Variants in TRIM31 observed in about 807,000 individuals in gnomAD.
The protein encoded by TRIM31 is E3 ubiquitin-protein ligase TRIM31.
In TRIM31, 31 loss-of-function variants were observed where a neutral mutation model predicts 40.6. The ratio of observed to expected loss-of-function variants is 0.76; its 90% CI spans 0.57 to 1.03. The LOEUF (loss-of-function observed/expected upper bound fraction) is 1.03. Ranked by LOEUF, TRIM31 falls within the 50% of genes least tolerant of loss-of-function variation. The probability of loss-of-function intolerance (pLI) is 0.00; values close to 1 mark genes in which losing one functional copy is unlikely to be tolerated. For missense variants in TRIM31, 455 were observed against 497.5 expected (o/e 0.91, Z 0.81); for synonymous variants, 164 against 193.9 (o/e 0.85, Z 1.28).
intron 8 of TRIM31, 75 bp from the exon 9 acceptor site, chr6:30,103,864 C>G (rs534577017): frequency 1.9e-6 from 3 of 1,595,076 alleles, no homozygotes; most frequent in African/African-American, 2.7e-5. Flanking sequence ...CCAGACAGCA[C>G]AGCTGAGCTC....
rs772919845 is a variant in TRIM31, at chr6:30,112,722, G to T, written c.84C>A (p.Thr28=). ...ICLDILQKPV[T]IDCGHNFCLK... is the part of the protein sequence containing the mutation. The stretch of plus-strand genomic sequence containing the variant: ...GGCAGAAATTGTGCCCACAGTCGAT[G>T]GTGACAGGTTTCTGCAGAATGTCCA... Residue 28 remains threonine, a synonymous_variant, in exon 2 of 9, where the codon ACC becomes ACA. Transcript: ENST00000376734. 1 of 1,613,100 alleles carries T rather than the reference G, an allele frequency of 6.2e-7. No individual in the cohort carries two copies. The highest frequency in any genetic ancestry group is 1.3e-5 in the African/African-American group (1 of 75,054).
chr6:30,111,618 C>T (rs1769328729), intron 3 of TRIM31, 30 bp downstream of exon 3: 1 of 1,605,694 alleles, frequency 6.2e-7, no homozygotes, highest in Non-Finnish European at 8.5e-7. Context: ...GTTTCTGCTT[C>T]CAGAGATCGT....
chr6:30,110,358 A>G, intron 4 of TRIM31, 90 bp downstream of exon 4: 2 of 1,271,938 alleles, frequency 1.6e-6, no homozygotes, highest in Admixed American at 1.8e-5. Context: ...GGTTGGGGCA[A>G]TCTCAGGTAT....
At position 30,110,379 on chromosome 6, in the gene TRIM31, G is replaced by A. The variant is rs549223875; in HGVS notation, c.744+69C>T. The A allele has an allele frequency of 1.2e-4, 176 of 1,478,826 alleles. 2 individuals are homozygous for A. The Middle Eastern group carries it at 1.6e-3, about 13-fold the overall frequency. The allele number at this position is 1,478,826 out of a possible 1,614,324, so 91.6% of individuals were successfully genotyped here. A position where few individuals can be genotyped will look rare whatever the true frequency, so the allele number is the denominator to read the frequency against. Reference sequence around the variant, plus strand: ...GGCAATCTCAGGTATTCTGCCAGTGGTCCATGCTCTGACCTGAGACTAGGG... The same window carrying A: ...GGCAATCTCAGGTATTCTGCCAGTGATCCATGCTCTGACCTGAGACTAGGG... On this transcript the variant is annotated intron_variant, in intron 4 of 8. Coordinates refer to ENST00000376734, the MANE Select transcript of TRIM31 (RefSeq NM_007028.5).
At chr6:30,111,841 T>G in intron 2 of TRIM31, 98 bp from the exon 3 acceptor site, 1 of 1,076,458 alleles carries the variant, frequency 9.3e-7, no homozygotes, top group Non-Finnish European at 1.4e-6. Flanking sequence ...ACTCTCCAGG[T>G]GAGTCCTTGT....
Position 30,103,427 on chromosome 6 carries a change from C to A in TRIM31, c.*109G>T. On this transcript the variant is annotated 3_prime_UTR_variant, in exon 9 of 9. Coordinates refer to ENST00000376734, the MANE Select transcript of TRIM31 (RefSeq NM_007028.5). The stretch of plus-strand genomic sequence containing the variant: ...CCCTCCCATTCTCCACTCCTTCGAC[C>A]CAATTCCACTAAGTCAAGAACCGTG... 1 of 1,518,942 alleles carries A rather than the reference C, an allele frequency of 6.6e-7. No individual in the cohort carries two copies. The highest frequency in any genetic ancestry group is 8.9e-7 in the Non-Finnish European group (1 of 1,127,316). The allele number at this position is 1,518,942 out of a possible 1,614,324, so 94.1% of individuals were successfully genotyped here.
chr6:30,112,393 T>A lies in TRIM31; in HGVS notation c.413A>T (p.Tyr138Phe), dbSNP rs769148827. Reference protein sequence around the residue: ...VSLIEEAAQNYQGQIQEQIQV... With the variant: ...VSLIEEAAQNFQGQIQEQIQV... ...GAAGAAACCTCAAATGCCTACCTGA[T>A]AATTCTGGGCAGCTTCTTCGATCAA... The change falls in exon 2 of 9, where the codon TAT (tyrosine) becomes TTT (phenylalanine). Residue 138 changes from tyrosine to phenylalanine, a missense_variant. Physicochemically the swap from Tyr to Phe is conservative, Grantham distance 22 (BLOSUM62 3). Transcript: ENST00000376734. 6.2e-7 allele frequency: 1 copy of A among 1,608,382 alleles called. No individual in the cohort carries two copies. Among genetic ancestry groups the A allele is most frequent in the Admixed American group, 1.7e-5 (1 of 59,532 alleles).
At chr6:30,112,164 A>C in intron 2 of TRIM31, 1 of 586,876 alleles carries the variant, frequency 1.7e-6, no homozygotes, top group South Asian at 2.4e-5. Context: ...CTTCTGAGTC[A>C]AATTTTCACA....
rs1401048128 is a variant in TRIM31 at position 30,103,497 on chromosome 6, C to T, written c.*39G>A. On this transcript the variant is annotated 3_prime_UTR_variant, in exon 9 of 9. Coordinates refer to ENST00000376734, the MANE Select transcript of TRIM31 (RefSeq NM_007028.5). ...TCAGCGCCACTCTATGCTCCGAAGT[C>T]CGTGTAGCACCACCGCTCCCCGTGT... is the stretch of plus-strand genomic sequence containing the variant. The T allele has an allele frequency of 6.2e-7, 1 of 1,608,976 alleles. No homozygotes were observed. The highest frequency in any genetic ancestry group is 1.3e-5 in the African/African-American group (1 of 74,774).
intron 4 of TRIM31, among the ~76,000 whole-genome samples, chr6:30,110,168 T>C (rs1769152734): frequency 1.3e-5 from 2 of 152,190 alleles, no homozygotes; most frequent in East Asian, 3.8e-4. Flanking sequence ...AATTTCACTT[T>C]TATCATTTTA....
Position 30,110,473 on chromosome 6 carries a change from T to A in TRIM31, c.719A>T (p.Asn240Ile). ...KLVDSLKTKQ[N>I]MPPRQLLEDI... is the part of the protein sequence containing the mutation. ...CTCCAGCAGCTGCCTGGGTGGCATGTTCTGCTTGGTCTTCAGGGAATCAAC... is the reference window on the plus strand; with the variant it reads ...CTCCAGCAGCTGCCTGGGTGGCATGATCTGCTTGGTCTTCAGGGAATCAAC... Residue 240 changes from asparagine to isoleucine, a missense_variant, in exon 4 of 9, where the codon AAC becomes ATC. Coordinates refer to ENST00000376734, the MANE Select transcript of TRIM31 (RefSeq NM_007028.5). The A allele has an allele frequency of 6.2e-7, 1 of 1,614,194 alleles. No individual in the cohort carries two copies. The highest frequency in any genetic ancestry group is 8.5e-7 in the Non-Finnish European group (1 of 1,180,034).
At chr6:30,106,308 G>T (rs924863552) in intron 6 of TRIM31, among the ~76,000 whole-genome samples, 1 of 152,184 alleles carries the variant, frequency 6.6e-6, no homozygotes, top group South Asian at 2.1e-4. Flanking sequence ...AGACGCGGGG[G>T]CCCTCTTAGG....
Position 30,110,520 on chromosome 6 carries a change from C to T in TRIM31, c.672G>A (p.Gln224=). 1 of 1,614,210 alleles carries T rather than the reference C, an allele frequency of 6.2e-7. No individual in the cohort carries two copies. The highest frequency in any genetic ancestry group is 8.5e-7 in the Non-Finnish European group (1 of 1,180,044). ...CAACGAGCTTCTTGAGATCGTTCAA[C>T]TGTGGCTCAGTGGAGGCAACATAGT... is the stretch of plus-strand genomic sequence containing the variant. ...GKHYVASTEP[Q]LNDLKKLVDS... The change falls in exon 4 of 9, where the codon CAG becomes CAA. Residue 224 remains glutamine (Q), a synonymous_variant. Coordinates refer to ENST00000376734, the MANE Select transcript of TRIM31 (RefSeq NM_007028.5).
chr6:30,107,015 G>A (rs1003418400), intron 6 of TRIM31, among the ~76,000 whole-genome samples: 5 of 152,138 alleles, frequency 3.3e-5, no homozygotes, highest in Non-Finnish European at 7.3e-5. Flanking sequence ...CAGGAGAATC[G>A]CTTGAAACCA....
Position 30,103,661 on chromosome 6 carries a change from C to A in TRIM31, c.1153G>T (p.Gly385Cys), listed in dbSNP as rs1332199997. Residue 385 changes from glycine (G) to cysteine (C), a missense_variant, in exon 9 of 9, where the codon GGT becomes TGT. Coordinates refer to ENST00000376734, the MANE Select transcript of TRIM31 (RefSeq NM_007028.5). ...CLLASYDEISGQGASSQDTKT... is the reference protein window; with the variant it reads ...CLLASYDEISCQGASSQDTKT... The stretch of plus-strand genomic sequence containing the variant: ...GTATCCTGAGAGCTCGCTCCTTGAC[C>A]AGAAATCTCATCATAAGAGGCCAGG... The A allele has an allele frequency of 2.5e-6, 4 of 1,613,028 alleles. No homozygotes were observed.
intron 4 of TRIM31, among the ~76,000 whole-genome samples, chr6:30,110,027 T>A (rs376664917): frequency 2.0e-4 from 24 of 118,176 alleles, no homozygotes; most frequent in Admixed American, 5.3e-4. Flanking sequence ...AGACTCAGTG[T>A]AAAAAAAAAA....
chr6:30,112,161 G>A (rs552972617), intron 2 of TRIM31: 2 of 584,428 alleles, frequency 3.4e-6, no homozygotes, highest in African/African-American at 3.7e-5. Context: ...AACCTTCTGA[G>A]TCAAATTTTC....
Position 30,103,789 on chromosome 6 carries a change from C to T in TRIM31, c.1025G>A (p.Gly342Asp). 6.2e-7 allele frequency: 1 copy of T among 1,612,798 alleles called. No homozygotes were observed. ...TGGTGGCCCCGATGTAGTTCTGCCG[C>T]CTTTGCGGGAGAAGGAAAGGAGAAA... ...KTSEPGSSSA[G>D]GRTTSGPPNH... The change falls in exon 9 of 9, where the codon GGC (glycine) becomes GAC (aspartate). Residue 342 changes from glycine to aspartate, a missense_variant and splice_region_variant. Coordinates refer to ENST00000376734, the MANE Select transcript of TRIM31 (RefSeq NM_007028.5).
At chr6:30,108,329 C>T (rs2248752) in intron 5 of TRIM31, 161 bp from the exon 6 acceptor site, 15,261 of 592,090 alleles carry the variant, frequency 0.026, 295 homozygotes, top group Admixed American at 0.04. Context: ...GAGGCTGAGG[C>T]GGGTGGATCA....
Sources: gnomAD v4.1 joint callset for allele counts (sites outside exome capture counted in the v4.1 genomes callset) on GRCh38, gnomAD v4.1.1 for gene constraint, MANE v1.5 for transcripts, NCBI Gene and HGNC (gene_info 2026-07-23, HGNC 2026-07-21) for gene names.